NDST3: variants seen among roughly 807,000 people sequenced by gnomAD.
NDST3 encodes bifunctional heparan sulfate N-deacetylase/N-sulfotransferase 3.
Under a neutral mutation model 96.1 loss-of-function variants are expected in NDST3, and 58 were observed. The observed-to-expected ratio is 0.60, with a 90% CI of 0.49 to 0.75. The LOEUF (loss-of-function observed/expected upper bound fraction) is 0.75, where lower values mean the gene tolerates loss of function less well. Among genes scored for constraint, NDST3 ranks in the 30% least tolerant of loss-of-function variants. NDST3 has a pLI of 0.00. For synonymous variants in NDST3, 333 were observed against 359.7 expected, an observed-to-expected ratio of 0.93 and a Z score of 0.84; for missense variants, 788 against 1,034.2, an observed-to-expected ratio of 0.76 and a Z score of 3.27.
chr4:118,098,711 A>C (rs1389406024), intron 2 of NDST3, among the ~76,000 whole-genome samples: 2 of 152,090 alleles, frequency 1.3e-5, no homozygotes, highest in African/African-American at 2.4e-5. Context: ...CAATAGAAAC[A>C]ATAAAATACA....
chr4:118,183,292 A>G (rs2125953977), intron 6 of NDST3, among the ~76,000 whole-genome samples: 1 of 152,192 alleles, frequency 6.6e-6, no homozygotes, highest in East Asian at 1.9e-4. Flanking sequence ...GGGCACCAGA[A>G]CTATAGGAAT....
intron 6 of NDST3, among the ~76,000 whole-genome samples, chr4:118,158,409 T>C (rs1284250708): frequency 6.6e-6 from 1 of 152,122 alleles, no homozygotes; most frequent in East Asian, 1.9e-4. Context: ...TGATATGAGA[T>C]AATTTTAGCA....
intron 2 of NDST3, among the ~76,000 whole-genome samples, chr4:118,062,872 C>G (rs1489376365): frequency 6.6e-6 from 1 of 152,018 alleles, no homozygotes; most frequent in Non-Finnish European, 1.5e-5. Context: ...AAACAGGATA[C>G]TTGGTGACTG....
chr4:118,085,485 T>A (rs1460872609), intron 2 of NDST3, among the ~76,000 whole-genome samples: 3 of 152,184 alleles, frequency 2.0e-5, no homozygotes, highest in Non-Finnish European at 4.4e-5. Flanking sequence ...AAATAATAGA[T>A]TGATGTTATA....
At chr4:118,179,925 CTACTT>C (rs544838448) in intron 6 of NDST3, among the ~76,000 whole-genome samples, 12 of 152,006 alleles carry the variant, frequency 7.9e-5, no homozygotes, top group Admixed American at 3.3e-4. Context: ...TCCTACAGCT[CTACTT>C]TACTACAAGG....
intron 6 of NDST3, among the ~76,000 whole-genome samples, chr4:118,165,874 C>T (rs890593939): frequency 1.1e-4 from 17 of 151,556 alleles, no homozygotes; most frequent in African/African-American, 3.9e-4. Context: ...TAAGTAAAAA[C>T]AAAACACCTA....
intron 10 of NDST3, 121 bp from the exon 11 acceptor site, chr4:118,240,403 A>T: frequency 1.4e-6 from 1 of 725,120 alleles, no homozygotes. Context: ...ATTTCAAAAT[A>T]GATAACTCTC....
intron 2 of NDST3, among the ~76,000 whole-genome samples, chr4:118,080,324 G>A (rs1268579466): frequency 6.6e-6 from 1 of 151,974 alleles, no homozygotes; most frequent in Non-Finnish European, 1.5e-5. Flanking sequence ...GAGATGTTGG[G>A]AGGAAAGATA....
chr4:118,121,687 T>C lies in NDST3; in HGVS notation c.1224+6727T>C, dbSNP rs981811038. On this transcript the variant is annotated intron_variant, in intron 4 of 13. Coordinates refer to ENST00000296499, the MANE Select transcript of NDST3 (RefSeq NM_004784.3). ...TAATCAGATGGATGATGAGGAAGCA[T>C]AAGAGAATAACAGGTCAAAAATAAC... is the stretch of plus-strand genomic sequence containing the variant. 8.0e-4 allele frequency among the ~76,000 whole-genome samples: 122 copies of C among 152,178 alleles called. 1 individual carries two copies. The highest frequency in any genetic ancestry group is 6.8e-3 in the Middle Eastern group (2 of 294).
chr4:118,185,026 G>A (rs1736851271), intron 6 of NDST3, among the ~76,000 whole-genome samples: 1 of 151,942 alleles, frequency 6.6e-6, no homozygotes, highest in Admixed American at 6.6e-5. Context: ...CTAAATTTTT[G>A]TACAACATAT....
chr4:118,199,667 T>C (rs975049684), intron 6 of NDST3, among the ~76,000 whole-genome samples: 5 of 152,186 alleles, frequency 3.3e-5, no homozygotes, highest in Admixed American at 3.3e-4. Context: ...TTTATTGTAG[T>C]CTTTGCAGTC....
chr4:118,165,734 G>A (rs1036053685), intron 6 of NDST3, among the ~76,000 whole-genome samples: 5 of 151,812 alleles, frequency 3.3e-5, no homozygotes, highest in Non-Finnish European at 7.4e-5. Context: ...CACAGGGAAT[G>A]AAACTAAAAA....
intron 2 of NDST3, among the ~76,000 whole-genome samples, chr4:118,075,677 T>C (rs2125808946): frequency 6.6e-6 from 1 of 152,370 alleles, no homozygotes; most frequent in Admixed American, 6.5e-5. Context: ...CATGTGTCTG[T>C]TGGTTGCATA....
intron 9 of NDST3, among the ~76,000 whole-genome samples, chr4:118,233,819 G>A (rs1390205576): frequency 6.6e-6 from 1 of 152,032 alleles, no homozygotes; most frequent in Non-Finnish European, 1.5e-5. Flanking sequence ...AACAGAGGGT[G>A]GTATAAAGGA....
chr4:118,226,708 G>A (rs1739901226), intron 7 of NDST3, among the ~76,000 whole-genome samples, 178 bp from the exon 8 acceptor site: 1 of 152,048 alleles, frequency 6.6e-6, no homozygotes, highest in African/African-American at 2.4e-5. Context: ...CCTCAACATG[G>A]AAGGGAGTTA....
chr4:118,255,004 GACAT>G (rs376326124), intron 13 of NDST3, among the ~76,000 whole-genome samples: 139 of 152,170 alleles, frequency 9.1e-4, no homozygotes, highest in African/African-American at 3.3e-3. Context: ...AAAAGAAATT[GACAT>G]ACAATTTCTA....
At chr4:118,179,389 G>T (rs1370796789) in intron 6 of NDST3, among the ~76,000 whole-genome samples, 1 of 151,876 alleles carries the variant, frequency 6.6e-6, no homozygotes, top group Non-Finnish European at 1.5e-5. Flanking sequence ...ATAAATTGAG[G>T]TTTGCAAAAA....
intron 10 of NDST3, among the ~76,000 whole-genome samples, chr4:118,239,538 T>C (rs1740883754): frequency 2.0e-5 from 3 of 152,152 alleles, no homozygotes; most frequent in African/African-American, 7.2e-5. Context: ...TTCCACCAAG[T>C]ATCTGGAGAA....
chr4:118,093,110 G>A (rs1275314393), intron 2 of NDST3, among the ~76,000 whole-genome samples: 1 of 151,850 alleles, frequency 6.6e-6, no homozygotes, highest in African/African-American at 2.4e-5. Flanking sequence ...CTGGAACTGA[G>A]TGAGAATGAA....
Sources: gnomAD v4.1 joint callset for allele counts (sites outside exome capture counted in the v4.1 genomes callset) on GRCh38, gnomAD v4.1.1 for gene constraint, MANE v1.5 for transcripts, NCBI Gene and HGNC (gene_info 2026-07-23, HGNC 2026-07-21) for gene names.